METTL16: variants seen among roughly 807,000 people sequenced by gnomAD.
METTL16 encodes methyltransferase 16, RNA N6-adenosine.
Under a neutral mutation model 57.9 loss-of-function variants are expected in METTL16, and 19 were observed. The ratio of observed to expected loss-of-function variants is 0.33; its 90% CI spans 0.23 to 0.48. The LOEUF is 0.48. Among genes scored for constraint, METTL16 ranks in the 20% least tolerant of loss-of-function variants. METTL16 has a pLI of 0.99. For synonymous variants in METTL16, 246 were observed against 255.6 expected (o/e 0.96, Z 0.36); for missense variants, 434 against 691.5 (o/e 0.63, Z 4.18).
intron 6 of METTL16, among the ~76,000 whole-genome samples, chr17:2,457,435 A>G (rs2067119628): frequency 7.0e-6 from 1 of 142,272 alleles, no homozygotes; most frequent in African/African-American, 2.6e-5. Flanking sequence ...GGCCGGGCAC[A>G]GTGGCTCACG....
chr17:2,509,870 G>A (rs1208499544), intron 1 of METTL16, among the ~76,000 whole-genome samples: 1 of 149,224 alleles, frequency 6.7e-6, no homozygotes, highest in East Asian at 2.0e-4. Context: ...CCAAGATCAC[G>A]CCACTGCACT....
At chr17:2,439,771 C>G (rs2066933805) in intron 7 of METTL16, among the ~76,000 whole-genome samples, 1 of 152,056 alleles carries the variant, frequency 6.6e-6, no homozygotes, top group Non-Finnish European at 1.5e-5. Context: ...CAAAAAAGGC[C>G]TTGTTTTAAT....
chr17:2,491,623 G>C lies in METTL16; in HGVS notation c.128+10581C>G, dbSNP rs571160734. Among the ~76,000 whole-genome samples, 395 of 151,040 alleles carry C rather than the reference G, an allele frequency of 2.6e-3. 2 individuals are homozygous for C. Among genetic ancestry groups the C allele is most frequent in the Middle Eastern group, 0.018 (5 of 284 alleles). On this transcript the variant is annotated intron_variant, in intron 2 of 9. Transcript: ENST00000263092. ...GGGCACGGTGGCTCACACCTGTAAT[G>C]TCAGCACGTTGGGAGGCCAAGGCGG...
At chr17:2,510,992 T>G (rs1333870889) in intron 1 of METTL16, among the ~76,000 whole-genome samples, 1 of 152,156 alleles carries the variant, frequency 6.6e-6, no homozygotes, top group African/African-American at 2.4e-5. Flanking sequence ...TCTGTCTTGT[T>G]CACCGCATAT....
At chr17:2,441,429 C>T in intron 7 of METTL16, 61 bp downstream of exon 7, 1 of 1,238,786 alleles carries the variant, frequency 8.1e-7, no homozygotes, top group Non-Finnish European at 1.1e-6. Flanking sequence ...CAAAACTGTA[C>T]TTGTGCCCCA....
At chr17:2,471,008 G>T (rs1399523323) in intron 4 of METTL16, among the ~76,000 whole-genome samples, 2 of 152,186 alleles carry the variant, frequency 1.3e-5, no homozygotes, top group Non-Finnish European at 2.9e-5. Context: ...TGTTTTTAGT[G>T]AATGAATAGA....
intron 2 of METTL16, among the ~76,000 whole-genome samples, chr17:2,491,601 C>T (rs530341593): frequency 2.0e-4 from 30 of 152,224 alleles, no homozygotes; most frequent in South Asian, 6.2e-4. Flanking sequence ...GTTGGCCGGG[C>T]ACGGTGGCTC....
At chr17:2,427,674 C>A (rs1476780410) in intron 8 of METTL16, among the ~76,000 whole-genome samples, 1 of 151,930 alleles carries the variant, frequency 6.6e-6, no homozygotes, top group Non-Finnish European at 1.5e-5. Context: ...AACACCTGAG[C>A]TCAAGTGATC....
At chr17:2,444,709 G>A (rs554158221) in intron 6 of METTL16, among the ~76,000 whole-genome samples, 2 of 150,624 alleles carry the variant, frequency 1.3e-5, no homozygotes, top group Non-Finnish European at 3.0e-5. Flanking sequence ...TACACAGATG[G>A]ACCATTTTTT....
chr17:2,468,126 G>A (rs2151565552), intron 4 of METTL16, among the ~76,000 whole-genome samples: 1 of 152,344 alleles, frequency 6.6e-6, no homozygotes, highest in Admixed American at 6.5e-5. Flanking sequence ...GGAGCCACAG[G>A]CTATTACACA....
rs200997068 is a variant in METTL16, at chr17:2,420,332, C to A, written c.1327G>T (p.Ala443Ser). The A allele has an allele frequency of 2.5e-6, 4 of 1,611,702 alleles. No homozygotes were observed. The highest frequency in any genetic ancestry group is 3.4e-6 in the Non-Finnish European group (4 of 1,180,008). Reference sequence around the variant, plus strand: ...TGGCTCGGGCACGGGCCCTCCACAGCGGCAGCCTCGCCTTCCCGCAGAGCA... The same window carrying A: ...TGGCTCGGGCACGGGCCCTCCACAGAGGCAGCCTCGCCTTCCCGCAGAGCA... ...GPALREGEAA[A>S]VEGPCPSQES... The change falls in exon 10 of 10, where the codon GCT becomes TCT. Residue 443 changes from alanine (A) to serine (S), a missense_variant. Physicochemically the swap from Ala to Ser is moderately conservative, Grantham distance 99. This residue lies in a region of METTL16 where 168 missense variants were observed against 149.6 expected (regional missense o/e 1.12). Transcript: ENST00000263092. This position sits in a 1 kb window ranked among gnomAD's most constrained non-coding sequence, Gnocchi z 5.4.
chr17:2,428,931 T>C (rs2066847555), intron 8 of METTL16, among the ~76,000 whole-genome samples: 1 of 152,088 alleles, frequency 6.6e-6, no homozygotes, highest in Non-Finnish European at 1.5e-5. Flanking sequence ...CAATCTCGGC[T>C]CACCGCAACC....
intron 4 of METTL16, among the ~76,000 whole-genome samples, chr17:2,472,522 A>C (rs2151567398): frequency 6.6e-6 from 1 of 152,336 alleles, no homozygotes; most frequent in East Asian, 1.9e-4. Flanking sequence ...TGTAATTGTC[A>C]AAATTCGAAA....
intron 2 of METTL16, among the ~76,000 whole-genome samples, chr17:2,492,064 A>G (rs111960603): frequency 8.6e-5 from 13 of 150,776 alleles, no homozygotes; most frequent in Middle Eastern, 3.5e-3. Flanking sequence ...ACAAAAAATT[A>G]GCCGGGCGTG....
At chr17:2,470,347 A>G (rs936550352) in intron 4 of METTL16, among the ~76,000 whole-genome samples, 1 of 152,198 alleles carries the variant, frequency 6.6e-6, no homozygotes, top group Non-Finnish European at 1.5e-5. Context: ...AAATAGACCA[A>G]TAAAAGGACG....
chr17:2,502,152 A>G lies in METTL16; in HGVS notation c.128+52T>C. 5 of 1,585,458 alleles carry G rather than the reference A, an allele frequency of 3.2e-6. No individual in the cohort carries two copies. The South Asian group carries it at 4.5e-5, about 14-fold the overall frequency. ...ACTCAGGTGGGCTTTCTATTACATCATATCCATTTGAATCACACAAGAATA... is the reference window on the plus strand; with the variant it reads ...ACTCAGGTGGGCTTTCTATTACATCGTATCCATTTGAATCACACAAGAATA... On this transcript the variant is annotated intron_variant, in intron 2 of 9. Coordinates refer to ENST00000263092, the MANE Select transcript of METTL16 (RefSeq NM_024086.4).
chr17:2,421,692 T>C (rs1422366758), intron 8 of METTL16, among the ~76,000 whole-genome samples: 2 of 152,096 alleles, frequency 1.3e-5, no homozygotes, highest in African/African-American at 4.8e-5. Context: ...CATCATCAAC[T>C]TGTAGTTTGA....
At chr17:2,501,916 A>G (rs1316267162) in intron 2 of METTL16, among the ~76,000 whole-genome samples, 1 of 152,094 alleles carries the variant, frequency 6.6e-6, no homozygotes, top group Non-Finnish European at 1.5e-5. Flanking sequence ...GATCACAAAG[A>G]GCACAATCGT....
chr17:2,486,176 G>C (rs1392448418), intron 2 of METTL16, among the ~76,000 whole-genome samples: 1 of 152,120 alleles, frequency 6.6e-6, no homozygotes, highest in Admixed American at 6.6e-5. Context: ...AGATTACGTA[G>C]GGCATTATAA....
Sources: gnomAD v4.1 joint callset for allele counts (sites outside exome capture counted in the v4.1 genomes callset) on GRCh38, gnomAD v4.1.1 for gene constraint, gnomAD v4.1.1 regional missense constraint, Gnocchi (gnomAD v3.1) non-coding constraint, MANE v1.5 for transcripts, NCBI Gene and HGNC (gene_info 2026-07-23, HGNC 2026-07-21) for gene names.